Variants in GRAMD1C observed in about 807,000 individuals in gnomAD.
The protein encoded by GRAMD1C is GRAM domain containing 1C.
In GRAMD1C, 89 loss-of-function variants were observed where a neutral mutation model predicts 97.8. The ratio of observed to expected loss-of-function variants is 0.91; its 90% CI spans 0.77 to 1.09. The LOEUF is 1.09. Ranked by LOEUF, GRAMD1C falls within the 50% of genes least tolerant of loss-of-function variation. The pLI is 0.00. For missense variants in GRAMD1C, 740 were observed against 766.4 expected (o/e 0.97, Z 0.41); for synonymous variants, 256 against 267.0 (o/e 0.96, Z 0.40).
chr3:113,936,472 A>C, intron 14 of GRAMD1C, 30 bp downstream of exon 14: 2 of 1,454,716 alleles, frequency 1.4e-6, no homozygotes, highest in Non-Finnish European at 1.9e-6. Context: ...CAGAGATGAA[A>C]GATTTTTACT....
chr3:113,859,547 A>C (rs1305913652), intron 2 of GRAMD1C, among the ~76,000 whole-genome samples: 2 of 152,182 alleles, frequency 1.3e-5, no homozygotes, highest in Admixed American at 6.5e-5. Context: ...TTAGGTTTTA[A>C]TATGCATTTG....
intron 6 of GRAMD1C, among the ~76,000 whole-genome samples, chr3:113,884,764 G>A (rs1325308416): frequency 2.6e-5 from 4 of 151,846 alleles, no homozygotes; most frequent in Admixed American, 6.6e-5. Flanking sequence ...GCGTGAACCC[G>A]GGAGGCGGAG....
At chr3:113,906,311 TC>T (rs1191200892) in intron 8 of GRAMD1C, among the ~76,000 whole-genome samples, 1 of 152,186 alleles carries the variant, frequency 6.6e-6, no homozygotes, top group Non-Finnish European at 1.5e-5. Flanking sequence ...AGATGACAGC[TC>T]CATGCATGTT....
chr3:113,918,357 C>T (rs1936914821), intron 10 of GRAMD1C, among the ~76,000 whole-genome samples: 1 of 152,112 alleles, frequency 6.6e-6, no homozygotes. Context: ...TGAGAGGATA[C>T]CTGTTAATGT....
chr3:113,873,636 G>C (rs1452949175), intron 3 of GRAMD1C, among the ~76,000 whole-genome samples: 2 of 151,596 alleles, frequency 1.3e-5, no homozygotes, highest in African/African-American at 2.4e-5. Flanking sequence ...CTCATGCCTC[G>C]GCCTCCCGAG....
intron 2 of GRAMD1C, chr3:113,850,779 AT>A (rs1029371036): frequency 1.4e-3 from 1,204 of 832,842 alleles, no homozygotes; most frequent in South Asian, 1.9e-3. Flanking sequence ...GATATACTTA[AT>A]TTTTTTTTTA....
In GRAMD1C at chr3:113,850,698, A is replaced by C; in HGVS notation, c.174+6049A>C. 2.5e-6 allele frequency: 4 copies of C among 1,585,042 alleles called. No homozygotes were observed. The South Asian group carries it at 4.5e-5, about 18-fold the overall frequency. On this transcript the variant is annotated intron_variant, in intron 2 of 17. Transcript: ENST00000358160. ...ACTCCCTCCTTAAAAAGGAGTTCATAAATGGCAATCCGGTTCTTCTTAGGC... is the reference window on the plus strand; with the variant it reads ...ACTCCCTCCTTAAAAAGGAGTTCATCAATGGCAATCCGGTTCTTCTTAGGC...
chr3:113,927,868 G>A lies in GRAMD1C; in HGVS notation c.1091-2846G>A, dbSNP rs115716192. Among the ~76,000 whole-genome samples the A allele has an allele frequency of 4.0e-3, 612 of 152,302 alleles. 4 individuals are homozygous for A. The highest frequency in any genetic ancestry group is 0.014 in the African/African-American group (566 of 41,552). ...AATCTTACTGCTCCCAGGCAGGACC[G>A]TGACCGCTATTGGGGATATGGTACT... is the stretch of plus-strand genomic sequence containing the variant. On this transcript the variant is annotated intron_variant, in intron 10 of 17. Transcript: ENST00000358160.
At chr3:113,921,791 A>C (rs928412610) in intron 10 of GRAMD1C, among the ~76,000 whole-genome samples, 1 of 151,930 alleles carries the variant, frequency 6.6e-6, no homozygotes, top group Non-Finnish European at 1.5e-5. Context: ...TCCCTTGCCC[A>C]CTTTTTTATT....
intron 11 of GRAMD1C, among the ~76,000 whole-genome samples, chr3:113,931,545 G>T (rs1937422427): frequency 6.6e-6 from 1 of 152,006 alleles, no homozygotes; most frequent in African/African-American, 2.4e-5. Context: ...TTTTAGTAGA[G>T]ACGGGGTTTC....
At chr3:113,878,723 T>C (rs559028367) in intron 5 of GRAMD1C, among the ~76,000 whole-genome samples, 1 of 152,252 alleles carries the variant, frequency 6.6e-6, no homozygotes, top group South Asian at 2.1e-4. Flanking sequence ...GTAACTCCCT[T>C]CCGTGGCTAT....
In GRAMD1C at chr3:113,887,528, G is replaced by A. The variant is rs566782430; in HGVS notation, c.540+4696G>A. ...ATCCTGGCTAACATGGTGAAACCCC[G>A]TCTCTACTAAAAATACAAAAAATTA... On this transcript the variant is annotated intron_variant, in intron 6 of 17. Transcript: ENST00000358160. Among the ~76,000 whole-genome samples the A allele has an allele frequency of 1.8e-3, 276 of 151,704 alleles. 4 individuals are homozygous for A. The highest frequency in any genetic ancestry group is 3.4e-3 in the Middle Eastern group (1 of 292).
intron 1 of GRAMD1C, among the ~76,000 whole-genome samples, chr3:113,842,291 C>G (rs1933362825): frequency 6.6e-6 from 1 of 152,180 alleles, no homozygotes; most frequent in African/African-American, 2.4e-5. Context: ...TGATTAAAGC[C>G]ATGAAGATTT....
rs566414263 is a variant in GRAMD1C at position 113,888,568 on chromosome 3, T to C, written c.540+5736T>C. Among the ~76,000 whole-genome samples the C allele has an allele frequency of 5.9e-5, 9 of 152,330 alleles. No homozygotes were observed. In the South Asian group the frequency reaches 1.7e-3, roughly 28 times the overall value. ...GCAATGGATATGTTAATTAACCTGA[T>C]TGTGGCGACCACAATGTATATGCAT... On this transcript the variant is annotated intron_variant, in intron 6 of 17. Coordinates refer to ENST00000358160, the MANE Select transcript of GRAMD1C (RefSeq NM_017577.5).
At chr3:113,887,190 A>T (rs1203772914) in intron 6 of GRAMD1C, among the ~76,000 whole-genome samples, 6 of 147,328 alleles carry the variant, frequency 4.1e-5, no homozygotes, top group African/African-American at 1.5e-4. Context: ...TCACAGGTGC[A>T]AGCGATTCTC....
At chr3:113,865,654 A>C (rs1233385585) in intron 2 of GRAMD1C, among the ~76,000 whole-genome samples, 1 of 152,150 alleles carries the variant, frequency 6.6e-6, no homozygotes, top group Non-Finnish European at 1.5e-5. Flanking sequence ...AAAAATTTTT[A>C]TTGTTTCAAA....
At chr3:113,856,368 A>G (rs547062195) in intron 2 of GRAMD1C, among the ~76,000 whole-genome samples, 14 of 152,292 alleles carry the variant, frequency 9.2e-5, no homozygotes, top group East Asian at 1.9e-4. Flanking sequence ...ATAGTACAAT[A>G]TCACAATTAA....
At chr3:113,878,456 A>G (rs1935133067) in intron 5 of GRAMD1C, among the ~76,000 whole-genome samples, 1 of 152,170 alleles carries the variant, frequency 6.6e-6, no homozygotes, top group Non-Finnish European at 1.5e-5. Context: ...GGGGAGGGGC[A>G]TCACTGTTTT....
intron 15 of GRAMD1C, chr3:113,939,048 A>T (rs1447418591): frequency 6.6e-6 from 1 of 152,204 alleles, no homozygotes; most frequent in African/African-American, 2.4e-5. Context: ...TTTACTCAAA[A>T]GTTGGAATAT....
Sources: gnomAD v4.1 joint callset for allele counts (sites outside exome capture counted in the v4.1 genomes callset) on GRCh38, gnomAD v4.1.1 for gene constraint, MANE v1.5 for transcripts, NCBI Gene and HGNC (gene_info 2026-07-23, HGNC 2026-07-21) for gene names.